Variants in XPNPEP1 observed in about 807,000 individuals in gnomAD.
XPNPEP1 encodes X-prolyl aminopeptidase 1.
Under a neutral mutation model 92.4 loss-of-function variants are expected in XPNPEP1, and 39 were observed. The ratio of observed to expected loss-of-function variants is 0.42; its 90% confidence interval spans 0.33 to 0.55. The LOEUF (loss-of-function observed/expected upper bound fraction) is 0.55. Among genes scored for constraint, XPNPEP1 ranks in the 20% least tolerant of loss-of-function variants. The pLI is 0.08. For synonymous variants in XPNPEP1, 307 were observed against 299.4 expected (o/e 1.03, Z -0.26); for missense variants, 654 against 856.1 (o/e 0.76, Z 2.95).
intron 14 of XPNPEP1, chr10:109,877,575 T>C: frequency 5.0e-6 from 3 of 599,700 alleles, no homozygotes; most frequent in East Asian, 2.9e-5. Context: ...AGAATGCCAG[T>C]GCCATACTGA....
intron 3 of XPNPEP1, among the ~76,000 whole-genome samples, chr10:109,905,885 T>G (rs544389240): frequency 6.6e-6 from 1 of 152,324 alleles, no homozygotes; most frequent in Admixed American, 6.5e-5. Flanking sequence ...TTCATACTGT[T>G]GCCTCAAATA....
chr10:109,891,665 T>C, intron 5 of XPNPEP1, 57 bp downstream of exon 5: 1 of 1,404,198 alleles, frequency 7.1e-7, no homozygotes, highest in Non-Finnish European at 9.6e-7. Flanking sequence ...TGAGGACCTC[T>C]AGGATCCCTG....
At chr10:109,893,606 G>C (rs545934878) in intron 3 of XPNPEP1, 1 of 153,238 alleles carries the variant, frequency 6.5e-6, no homozygotes, top group African/African-American at 2.4e-5. Context: ...GAGCGGAAAC[G>C]CTTCATCCAA....
intron 3 of XPNPEP1, among the ~76,000 whole-genome samples, chr10:109,904,684 A>C (rs1298936411): frequency 1.3e-5 from 2 of 152,216 alleles, no homozygotes; most frequent in Non-Finnish European, 2.9e-5. Flanking sequence ...ATGAAAAGAT[A>C]CTCAACATCA....
intron 3 of XPNPEP1, among the ~76,000 whole-genome samples, chr10:109,901,852 T>C (rs1212453268): frequency 1.2e-4 from 19 of 152,262 alleles, no homozygotes; most frequent in Non-Finnish European, 1.5e-5. Context: ...TTGCGAAGTT[T>C]TGTAAATGTA....
At chr10:109,909,577 C>T (rs1849749841) in intron 2 of XPNPEP1, among the ~76,000 whole-genome samples, 1 of 152,120 alleles carries the variant, frequency 6.6e-6, no homozygotes. Flanking sequence ...GTTGGTTCTT[C>T]AAAAAGACCT....
chr10:109,872,007 A>T (rs1326537798), intron 16 of XPNPEP1, 146 bp from the exon 17 acceptor site: 7 of 776,392 alleles, frequency 9.0e-6, no homozygotes, highest in Non-Finnish European at 1.4e-5. Context: ...ATCTGGTGGA[A>T]AAAAAGCCTG....
chr10:109,870,511 C>T (rs528130963), intron 18 of XPNPEP1, among the ~76,000 whole-genome samples: 33 of 152,192 alleles, frequency 2.2e-4, no homozygotes, highest in African/African-American at 7.9e-4. Flanking sequence ...TCATGTTTCC[C>T]CTGAGTGGTT....
intron 12 of XPNPEP1, among the ~76,000 whole-genome samples, chr10:109,878,536 C>T (rs1416389383): frequency 1.3e-5 from 2 of 151,950 alleles, no homozygotes; most frequent in Non-Finnish European, 2.9e-5. Flanking sequence ...TTTTTTAAGG[C>T]CTCAATGTAC....
At chr10:109,907,325 C>T (rs1270071601) in intron 3 of XPNPEP1, among the ~76,000 whole-genome samples, 1 of 152,220 alleles carries the variant, frequency 6.6e-6, no homozygotes, top group Non-Finnish European at 1.5e-5. Flanking sequence ...AACCCTATCA[C>T]ATGAGGTCTC....
intron 3 of XPNPEP1, among the ~76,000 whole-genome samples, chr10:109,903,905 C>T (rs1157296903): frequency 4.0e-5 from 6 of 148,698 alleles, no homozygotes; most frequent in East Asian, 2.0e-4. Flanking sequence ...AGTGCAGTGG[C>T]GCAATCTCAG....
chr10:109,903,702 G>GC (rs1217440863), intron 3 of XPNPEP1, among the ~76,000 whole-genome samples: 1 of 152,158 alleles, frequency 6.6e-6, no homozygotes, highest in Non-Finnish European at 1.5e-5. Flanking sequence ...GCAATGGTCT[G>GC]CCCTTCTTAA....
intron 2 of XPNPEP1, among the ~76,000 whole-genome samples, chr10:109,914,049 T>G (rs1464640447): frequency 1.3e-5 from 2 of 151,522 alleles, no homozygotes; most frequent in African/African-American, 4.9e-5. Flanking sequence ...GGGCATGGTT[T>G]CTTATGTACT....
chr10:109,886,323 T>C lies in XPNPEP1; in HGVS notation c.671A>G (p.Lys224Arg), dbSNP rs1848386795. 2.5e-6 allele frequency: 4 copies of C among 1,614,172 alleles called. No homozygotes were observed. The highest frequency in any genetic ancestry group is 3.4e-6 in the Non-Finnish European group (4 of 1,180,022). ...CATTTTCAACCGAAGGTCTGCAACCTTGTCCTTCCAGGAGATGCCTGCAAG... is the reference window on the plus strand; with the variant it reads ...CATTTTCAACCGAAGGTCTGCAACCCTGTCCTTCCAGGAGATGCCTGCAAG... ...LDYTGISWKD[K>R]VADLRLKMAE... is the part of the protein sequence containing the mutation. The change falls in exon 8 of 21, where the codon AAG becomes AGG. Residue 224 changes from lysine (K) to arginine (R), a missense_variant. Transcript: ENST00000502935.
intron 5 of XPNPEP1, among the ~76,000 whole-genome samples, chr10:109,889,566 A>G (rs1394803083): frequency 6.6e-6 from 1 of 152,262 alleles, no homozygotes; most frequent in African/African-American, 2.4e-5. Flanking sequence ...ATAGGACACT[A>G]TATCAGCCTC....
intron 3 of XPNPEP1, among the ~76,000 whole-genome samples, chr10:109,899,167 T>C (rs10884916): frequency 0.56 from 84,988 of 152,042 alleles, 26,278 homozygotes; most frequent in African/African-American, 0.8. Flanking sequence ...AAACTGACAG[T>C]TGTCCAAAGA....
At chr10:109,920,902 A>G (rs1340742034) in intron 1 of XPNPEP1, among the ~76,000 whole-genome samples, 1 of 152,138 alleles carries the variant, frequency 6.6e-6, no homozygotes, top group Non-Finnish European at 1.5e-5. Flanking sequence ...AAACAAAGAT[A>G]ACTTACCATA....
Position 109,886,286 on chromosome 10 carries a change from G to A in XPNPEP1, c.708C>T (p.Asn236=), listed in dbSNP as rs373946499. 2.2e-5 allele frequency: 36 copies of A among 1,614,050 alleles called. No individual in the cohort carries two copies. The highest frequency in any genetic ancestry group is 2.8e-5 in the Non-Finnish European group (33 of 1,180,050). The change falls in exon 8 of 21, where the codon AAC becomes AAT. Residue 236 remains asparagine, a synonymous_variant. Transcript: ENST00000502935. ...ADLRLKMAER[N]VMWFVVTALD... ...AGGCAGTGACCACAAACCACATGAC[G>A]TTCCTCTCAGCCATTTTCAACCGAA...
chr10:109,888,011 T>C (rs1055599259), intron 7 of XPNPEP1, 38 bp downstream of exon 7: 2 of 1,607,806 alleles, frequency 1.2e-6, no homozygotes, highest in South Asian at 1.1e-5. Flanking sequence ...GGGGGGACAA[T>C]GGCAGGGGCC....
Sources: allele counts gnomAD v4.1 joint callset (sites outside exome capture counted in the v4.1 genomes callset), GRCh38; gene constraint gnomAD v4.1.1; transcripts MANE v1.5; gene names NCBI Gene and HGNC (gene_info 2026-07-23, HGNC 2026-07-21).